Variants in BTN2A2 observed in about 807,000 individuals in gnomAD.
BTN2A2 encodes butyrophilin subfamily 2 member A2, also known as butyrophilin 2.
A neutral mutation model predicts 34.7 loss-of-function variants in BTN2A2; 29 were observed. That is an observed-to-expected ratio of 0.84 (90% CI 0.62 to 1.14). BTN2A2 has a LOEUF of 1.14. Among genes scored for constraint, BTN2A2 ranks in the 50% most tolerant of loss-of-function variants. The pLI is 0.00. For synonymous variants in BTN2A2, 240 were observed against 253.1 expected (o/e 0.95, Z 0.49); for missense variants, 612 against 651.5 (o/e 0.94, Z 0.66).
rs1761108010 is a variant in BTN2A2 at position 26,385,167 on chromosome 6, A to G, written c.247A>G (p.Lys83Glu). The change falls in exon 3 of 8, where the codon AAG becomes GAG. Residue 83 changes from lysine to glutamate, a missense_variant. Physicochemically the swap from Lys to Glu is moderately conservative, Grantham distance 56 (BLOSUM62 1). Transcript: ENST00000356709. ...SQFSPAVFVY[K>E]GGRERTEEQM... ...GTTCTCCCCCGCAGTGTTTGTGTAT[A>G]AGGGTGGGAGAGAGAGAACAGAGGA... The G allele has an allele frequency of 6.8e-6, 11 of 1,614,062 alleles. No homozygotes were observed. Among genetic ancestry groups the G allele is most frequent in the Non-Finnish European group, 9.3e-6 (11 of 1,180,004 alleles).
Position 26,394,240 on chromosome 6 carries a change from C to T in BTN2A2, c.*1273C>T, listed in dbSNP as rs1189757936. On this transcript the variant is annotated 3_prime_UTR_variant, in exon 8 of 8. Transcript: ENST00000356709. ...GTTCTCTCTAGGAATCCCAAAACCA[C>T]ATTTTGAAACTAGAATAGTGGATCC... is the stretch of plus-strand genomic sequence containing the variant. The T allele has an allele frequency of 1.4e-6, 1 of 699,480 alleles. No homozygotes were observed. Among genetic ancestry groups the T allele is most frequent in the East Asian group, 2.7e-5 (1 of 37,206 alleles). The allele number at this position is 699,480 out of a possible 1,614,324, so 43.3% of individuals were successfully genotyped here.
At chr6:26,389,923 G>A in intron 4 of BTN2A2, 82 bp from the exon 5 acceptor site, 6 of 1,330,112 alleles carry the variant, frequency 4.5e-6, no homozygotes, top group Non-Finnish European at 6.2e-6. Flanking sequence ...TGGCTGAGGA[G>A]CTCTTCAGAT....
chr6:26,383,168 G>A lies in BTN2A2; in HGVS notation c.-44G>A, dbSNP rs1274128822. On this transcript the variant is annotated 5_prime_UTR_variant, in exon 1 of 8. Transcript: ENST00000356709. The surrounding 1 kb of genome is among the most constrained non-coding windows in gnomAD (Gnocchi z 4.4). ...TACCGAGTCCGCAACTCCAAACATC[G>A]CGATTAATAGGAGGTGAACACAGCT... The A allele has an allele frequency of 6.6e-6, 1 of 152,446 alleles. No homozygotes were observed. Among genetic ancestry groups the A allele is most frequent in the Non-Finnish European group, 1.5e-5 (1 of 68,212 alleles). 9.4% of individuals were successfully genotyped at this position (152,446 alleles called of 1,614,324 possible).
rs1761543245 is a variant in BTN2A2 at position 26,390,965 on chromosome 6, G to A, written c.979+136G>A. ...GAACTGGGGTCAGTTCATCAACGGT[G>A]TCCCAGCAATGATGCATCATGGCTC... On this transcript the variant is annotated intron_variant, in intron 7 of 7. Coordinates refer to ENST00000356709, the MANE Select transcript of BTN2A2 (RefSeq NM_006995.5). The A allele has an allele frequency of 3.8e-6, 5 of 1,321,790 alleles. No individual in the cohort carries two copies. The African/African-American group carries it at 4.4e-5, about 12-fold the overall frequency. 81.9% of individuals were successfully genotyped at this position (1,321,790 alleles called of 1,614,324 possible).
intron 5 of BTN2A2, 84 bp from the exon 6 acceptor site, chr6:26,390,603 G>A (rs1244153884): frequency 1.3e-6 from 2 of 1,557,234 alleles, no homozygotes; most frequent in South Asian, 1.1e-5. Flanking sequence ...TAGAAAGGAT[G>A]GTTCCTACGT....
chr6:26,390,850 C>T (rs762939985), intron 7 of BTN2A2, 21 bp downstream of exon 7: 22 of 1,613,678 alleles, frequency 1.4e-5, no homozygotes, highest in Non-Finnish European at 1.8e-5. Flanking sequence ...CTGATGTTCT[C>T]TCAGATCTCA....
Position 26,383,924 on chromosome 6 carries a change from G to A in BTN2A2, c.94+9G>A. The A allele has an allele frequency of 6.2e-7, 1 of 1,611,678 alleles. No homozygotes were observed. The highest frequency in any genetic ancestry group is 8.5e-7 in the Non-Finnish European group (1 of 1,177,764). The stretch of plus-strand genomic sequence containing the variant: ...GTGTGCACTGGTCTCAGGTAGGGAT[G>A]TGTGTCACTTGCTGCTGTCACCTCT... On this transcript the variant is annotated intron_variant, in intron 2 of 7. Transcript: ENST00000356709. The surrounding 1 kb of genome is among the most constrained non-coding windows in gnomAD (Gnocchi z 4.4).
chr6:26,393,602 C>A lies in BTN2A2; in HGVS notation c.*635C>A, dbSNP rs1393476720. 3 of 1,003,182 alleles carry A rather than the reference C, an allele frequency of 3.0e-6. No homozygotes were observed. Among genetic ancestry groups the A allele is most frequent in the African/African-American group, 3.5e-5 (2 of 57,486 alleles). The allele number at this position is 1,003,182 out of a possible 1,614,324, so 62.1% of individuals were successfully genotyped here. A position where few individuals can be genotyped will look rare whatever the true frequency, so the allele number is the denominator to read the frequency against. ...GATGAAGATGAATGAAGAACATGGACTCATGTGGATGTGGTTTGGCTCAGA... is the reference window on the plus strand; with the variant it reads ...GATGAAGATGAATGAAGAACATGGAATCATGTGGATGTGGTTTGGCTCAGA... On this transcript the variant is annotated 3_prime_UTR_variant, in exon 8 of 8. Coordinates refer to ENST00000356709, the MANE Select transcript of BTN2A2 (RefSeq NM_006995.5).
intron 3 of BTN2A2, 37 bp from the exon 4 acceptor site, chr6:26,387,976 C>A: frequency 6.3e-7 from 1 of 1,582,088 alleles, no homozygotes; most frequent in South Asian, 1.2e-5. Flanking sequence ...GCTAAGATAC[C>A]ACTGCCTTTT....
In BTN2A2 at chr6:26,387,957, G is replaced by T. The variant is rs1761307268; in HGVS notation, c.443-56G>T. 32 of 1,542,398 alleles carry T rather than the reference G, an allele frequency of 2.1e-5. No homozygotes were observed. The South Asian group carries it at 3.5e-4, about 17-fold the overall frequency. On this transcript the variant is annotated intron_variant, in intron 3 of 7. Coordinates refer to ENST00000356709, the MANE Select transcript of BTN2A2 (RefSeq NM_006995.5). ...CTTTCTAGCAACCATCCATCAAGGT[G>T]CAGTAGGGGCTAAGATACCACTGCC...
chr6:26,391,231 G>A (rs1761558947), intron 7 of BTN2A2: 1 of 262,150 alleles, frequency 3.8e-6, no homozygotes, highest in Non-Finnish European at 7.4e-6. Context: ...GAAGACCTAT[G>A]TGAGGAAAAG....
intron 3 of BTN2A2, 147 bp downstream of exon 3, chr6:26,385,509 G>C: frequency 1.3e-6 from 1 of 740,920 alleles, no homozygotes; most frequent in South Asian, 1.9e-5. Flanking sequence ...TTGCACAAAG[G>C]CCACATGAGT....
At position 26,383,676 on chromosome 6, in the gene BTN2A2, C is replaced by A; in HGVS notation, c.-30-116C>A. 1 of 745,346 alleles carries A rather than the reference C, an allele frequency of 1.3e-6. No homozygotes were observed. The highest frequency in any genetic ancestry group is 1.6e-5 in the South Asian group (1 of 60,708). 46.2% of individuals were successfully genotyped at this position (745,346 alleles called of 1,614,324 possible). A position where few individuals can be genotyped will look rare whatever the true frequency, so the allele number is the denominator to read the frequency against. ...AGATACCTGAGCCTTGAGATGCAAGCGACTCCCAGAAGTTGGGGCACCGAT... is the reference window on the plus strand; with the variant it reads ...AGATACCTGAGCCTTGAGATGCAAGAGACTCCCAGAAGTTGGGGCACCGAT... On this transcript the variant is annotated intron_variant, in intron 1 of 7. Coordinates refer to ENST00000356709, the MANE Select transcript of BTN2A2 (RefSeq NM_006995.5). The surrounding 1 kb of genome is among the most constrained non-coding windows in gnomAD (Gnocchi z 4.4).
Position 26,384,868 on chromosome 6 carries a change from A to G in BTN2A2, c.95-147A>G, listed in dbSNP as rs1404570557. ...GCTACTGGTCCCCAGAAGGGTTCTC[A>G]GCCCAAGAACCCCTGTAGCCTTGGA... On this transcript the variant is annotated intron_variant, in intron 2 of 7. Transcript: ENST00000356709. This position sits in a 1 kb window ranked among gnomAD's most constrained non-coding sequence, Gnocchi z 4.0. 1.4e-5 allele frequency: 12 copies of G among 874,010 alleles called. No homozygotes were observed. Among genetic ancestry groups the G allele is most frequent in the Non-Finnish European group, 2.1e-5 (12 of 582,652 alleles). The allele number at this position is 874,010 out of a possible 1,614,324, so 54.1% of individuals were successfully genotyped here.
At chr6:26,390,530 CA>C in intron 5 of BTN2A2, 156 bp from the exon 6 acceptor site, 1 of 930,662 alleles carries the variant, frequency 1.1e-6, no homozygotes, top group African/African-American at 1.6e-5. Flanking sequence ...GCCATCTGAT[CA>C]TACATCATTG....
chr6:26,392,271 T>C (rs1012564712), intron 7 of BTN2A2, 104 bp from the exon 8 acceptor site: 2 of 1,585,774 alleles, frequency 1.3e-6, no homozygotes, highest in Non-Finnish European at 1.7e-6. Context: ...GGCCACTACA[T>C]GGGGAACCCC....
At chr6:26,391,224 G>T (rs934682834) in intron 7 of BTN2A2, 12 of 276,992 alleles carry the variant, frequency 4.3e-5, no homozygotes, top group African/African-American at 1.5e-4. Context: ...CACAGTTGAA[G>T]ACCTATGTGA....
At chr6:26,390,310 G>A (rs1373895174) in intron 5 of BTN2A2, 99 bp downstream of exon 5, 8 of 1,234,690 alleles carry the variant, frequency 6.5e-6, no homozygotes, top group Non-Finnish European at 9.0e-6. Context: ...AAAGGCCACA[G>A]CTCTCACAGG....
At chr6:26,391,952 C>T in intron 7 of BTN2A2, 2 of 485,246 alleles carry the variant, frequency 4.1e-6, no homozygotes, top group Non-Finnish European at 7.4e-6. Flanking sequence ...TTAATTGATC[C>T]ATTGAGAGGT....
Sources: gnomAD v4.1 joint callset for allele counts on GRCh38, gnomAD v4.1.1 for gene constraint, Gnocchi (gnomAD v3.1) non-coding constraint, MANE v1.5 for transcripts, NCBI Gene and HGNC (gene_info 2026-07-23, HGNC 2026-07-21) for gene names.